PEAK1: variants seen among roughly 807,000 people sequenced by gnomAD.
The protein encoded by PEAK1 is pseudopodium enriched atypical kinase 1.
In PEAK1, 54 loss-of-function variants were observed where a neutral mutation model predicts 124.7. The observed-to-expected ratio is 0.43, with a 90% confidence interval of 0.35 to 0.54. PEAK1 has a LOEUF of 0.54. PEAK1 is among the 20% of genes least tolerant of loss of function. PEAK1 has a pLI of 0.01. For synonymous variants in PEAK1, 719 were observed against 760.0 expected, an observed-to-expected ratio of 0.95 and a Z score of 0.89; for missense variants, 2,046 against 2,134.5, an observed-to-expected ratio of 0.96 and a Z score of 0.82.
chr15:77,264,289 C>G (rs1441232217), intron 5 of PEAK1, among the ~76,000 whole-genome samples: 1 of 151,982 alleles, frequency 6.6e-6, no homozygotes, highest in Admixed American at 6.6e-5. Context: ...AAAGGGTATT[C>G]AATTAGGAAA....
At chr15:77,247,950 T>G (rs947349913) in intron 6 of PEAK1, among the ~76,000 whole-genome samples, 1 of 152,240 alleles carries the variant, frequency 6.6e-6, no homozygotes, top group Non-Finnish European at 1.5e-5. Context: ...TGTTTTGATA[T>G]CACAATACTA....
At chr15:77,356,745 A>C (rs2067543027) in intron 2 of PEAK1, among the ~76,000 whole-genome samples, 1 of 152,222 alleles carries the variant, frequency 6.6e-6, no homozygotes, top group Non-Finnish European at 1.5e-5. Flanking sequence ...ATATATAGAA[A>C]TCCAAAATTA....
intron 5 of PEAK1, chr15:77,278,487 G>T: frequency 4.0e-6 from 2 of 494,468 alleles, no homozygotes; most frequent in Admixed American, 2.1e-5. Flanking sequence ...AAGGCTGAAG[G>T]GGATGCTAAA....
intron 6 of PEAK1, among the ~76,000 whole-genome samples, chr15:77,246,211 G>A (rs1212417982): frequency 3.9e-5 from 6 of 152,104 alleles, no homozygotes; most frequent in Admixed American, 3.9e-4. Context: ...GTTTCATTAT[G>A]TTGGCCAGAA....
chr15:77,346,163 T>C lies in PEAK1; in HGVS notation c.-603+19000A>G, dbSNP rs1007534119. 30 of 979,996 alleles carry C rather than the reference T, an allele frequency of 3.1e-5. No individual in the cohort carries two copies. The African/African-American group carries it at 5.1e-4, about 17-fold the overall frequency. The allele number at this position is 979,996 out of a possible 1,614,324, so 60.7% of individuals were successfully genotyped here. On this transcript the variant is annotated intron_variant, in intron 2 of 9. Coordinates refer to ENST00000682557, the MANE Select transcript of PEAK1 (RefSeq NM_001385026.1). Reference sequence around the variant, plus strand: ...TTGCCACTTTCCTCACCAATACCAATAAATAAATTATTAAATCTACCCTTT... The same window carrying C: ...TTGCCACTTTCCTCACCAATACCAACAAATAAATTATTAAATCTACCCTTT...
chr15:77,220,879 A>G (rs2059358686), intron 6 of PEAK1, among the ~76,000 whole-genome samples: 2 of 152,082 alleles, frequency 1.3e-5, no homozygotes, highest in African/African-American at 4.8e-5. Flanking sequence ...AAATGTTCAT[A>G]AAATATTACT....
At chr15:77,223,886 ATTTTTTT>A (rs10719377) in intron 6 of PEAK1, among the ~76,000 whole-genome samples, 10 of 121,584 alleles carry the variant, frequency 8.2e-5, no homozygotes, top group South Asian at 2.8e-4. Context: ...CATTTGAGAG[ATTTTTTT>A]TTTTTTTTTT....
intron 6 of PEAK1, among the ~76,000 whole-genome samples, chr15:77,240,595 CAA>C (rs796070115): frequency 1.6e-5 from 2 of 128,776 alleles, no homozygotes; most frequent in Non-Finnish European, 1.7e-5. Flanking sequence ...GACCCTGTCT[CAA>C]AAAAAAAAAG....
intron 5 of PEAK1, among the ~76,000 whole-genome samples, chr15:77,265,899 G>A (rs1275990810): frequency 1.7e-4 from 26 of 152,012 alleles, no homozygotes; most frequent in Middle Eastern, 3.4e-3. Context: ...AATGTGGCAC[G>A]TATACACCAT....
chr15:77,419,266 C>T (rs1198477593), intron 1 of PEAK1: 1 of 985,218 alleles, frequency 1.0e-6, no homozygotes, highest in Non-Finnish European at 1.2e-6. Context: ...GAGGAAAAAA[C>T]GAAATCAAGC....
chr15:77,102,542 A>G (rs1199096319), exon 7 of PEAK1: 1 of 152,188 alleles, frequency 6.6e-6, no homozygotes, highest in Admixed American at 6.5e-5. Flanking sequence ...TGTGGCATGT[A>G]ACTCTGTTTG....
intron 2 of PEAK1, among the ~76,000 whole-genome samples, chr15:77,331,940 C>G (rs2065912561): frequency 6.6e-6 from 1 of 151,522 alleles, no homozygotes; most frequent in Non-Finnish European, 1.5e-5. Context: ...AATACATTTT[C>G]TAAACTGCTC....
At chr15:77,390,124 T>G (rs1328986365) in intron 1 of PEAK1, among the ~76,000 whole-genome samples, 3 of 152,110 alleles carry the variant, frequency 2.0e-5, no homozygotes, top group Non-Finnish European at 4.4e-5. Context: ...CAGATAACAG[T>G]AAAAATTTCA....
chr15:77,296,139 C>CT (rs1225848246), intron 2 of PEAK1, among the ~76,000 whole-genome samples: 7 of 152,094 alleles, frequency 4.6e-5, no homozygotes, highest in African/African-American at 1.7e-4. Context: ...AAGAAAGGCA[C>CT]TAAGAGAGCA....
At chr15:77,340,629 TTA>T (rs1407713973) in intron 2 of PEAK1, among the ~76,000 whole-genome samples, 1 of 152,192 alleles carries the variant, frequency 6.6e-6, no homozygotes, top group Non-Finnish European at 1.5e-5. Context: ...ACAGTGTAAA[TTA>T]TAGACTTTAC....
intron 1 of PEAK1, among the ~76,000 whole-genome samples, chr15:77,419,777 G>C (rs1442636657): frequency 6.7e-6 from 1 of 148,442 alleles, no homozygotes; most frequent in African/African-American, 2.4e-5. Context: ...CGCGGCACCG[G>C]CGGGGCGCGG....
intron 2 of PEAK1, among the ~76,000 whole-genome samples, chr15:77,293,330 AT>A (rs939604988): frequency 1.3e-5 from 2 of 152,166 alleles, no homozygotes; most frequent in African/African-American, 4.8e-5. Flanking sequence ...TAAGCACCAC[AT>A]TTTTTGATAT....
At chr15:77,275,698 A>C (rs1290440154) in intron 5 of PEAK1, among the ~76,000 whole-genome samples, 1 of 151,814 alleles carries the variant, frequency 6.6e-6, no homozygotes. Context: ...ACACAGTGAG[A>C]CTCTGTCTCA....
chr15:77,241,373 T>A (rs1382345264), intron 6 of PEAK1, among the ~76,000 whole-genome samples: 1 of 152,046 alleles, frequency 6.6e-6, no homozygotes, highest in African/African-American at 2.4e-5. Context: ...ACAGCTAATA[T>A]CGTATTTAAT....
Sources: allele counts gnomAD v4.1 joint callset (sites outside exome capture counted in the v4.1 genomes callset), GRCh38; gene constraint gnomAD v4.1.1; transcripts MANE v1.5; gene names NCBI Gene and HGNC (gene_info 2026-07-23, HGNC 2026-07-21).